CACNA1E: variants seen among roughly 807,000 people sequenced by gnomAD.
The protein encoded by CACNA1E is voltage-dependent R-type calcium channel subunit alpha-1E.
CACNA1E carries 40 observed loss-of-function variants against 259.2 expected under a neutral mutation model. That is an observed-to-expected ratio of 0.15 (90% confidence interval 0.12 to 0.20). CACNA1E has a LOEUF of 0.20. Ranked by LOEUF, CACNA1E falls within the 10% of genes least tolerant of loss-of-function variation. CACNA1E has a pLI of 1.00. For missense variants in CACNA1E, 1,874 were observed against 3,040.1 expected (o/e 0.62, Z 9.02); for synonymous variants, 1,104 against 1,138.5 (o/e 0.97, Z 0.61).
At chr1:181,387,878 C>T (rs1041908894) in intron 1 of CACNA1E, among the ~76,000 whole-genome samples, 1 of 152,198 alleles carries the variant, frequency 6.6e-6, no homozygotes, top group Admixed American at 6.5e-5. Context: ...ACCTCAGGAC[C>T]TCTAACTATT....
At chr1:181,646,832 G>T (rs1162097058) in intron 6 of CACNA1E, among the ~76,000 whole-genome samples, 1 of 152,222 alleles carries the variant, frequency 6.6e-6, no homozygotes, top group Admixed American at 6.5e-5. Flanking sequence ...TGTTTACGCA[G>T]GGAGTGGGTG....
At chr1:181,745,803 A>G (rs1055399989) in intron 25 of CACNA1E, among the ~76,000 whole-genome samples, 15 of 152,226 alleles carry the variant, frequency 9.9e-5, no homozygotes, top group African/African-American at 3.6e-4. Context: ...AGAATAAGAC[A>G]AAAGAGACAA....
chr1:181,746,202 T>C (rs749953206), intron 25 of CACNA1E, among the ~76,000 whole-genome samples: 8 of 152,114 alleles, frequency 5.3e-5, no homozygotes, highest in Non-Finnish European at 7.3e-5. Context: ...AATTTAAAAT[T>C]TTCACAGAAG....
rs376719226 is a variant in CACNA1E at position 181,377,219 on chromosome 1, T to C, written c.-14-35914T>C. The stretch of plus-strand genomic sequence containing the variant: ...TTTTTTGAGTAATCAGAATAGACTT[T>C]ATAAGAGAGGTGGAGTTTTAGTTGG... On this transcript the variant is annotated intron_variant, in intron 1 of 11. Transcript: ENST00000524607. Among the ~76,000 whole-genome samples, 7 of 152,132 alleles carry C rather than the reference T, an allele frequency of 4.6e-5. No individual in the cohort carries two copies. The East Asian group carries it at 1.2e-3, about 25-fold the overall frequency.
At chr1:181,406,058 A>G (rs1657442179) in intron 1 of CACNA1E, among the ~76,000 whole-genome samples, 1 of 152,168 alleles carries the variant, frequency 6.6e-6, no homozygotes, top group Non-Finnish European at 1.5e-5. Flanking sequence ...TGGCTAAAAT[A>G]TTTACTATCT....
chr1:181,580,859 C>T (rs903008397), intron 6 of CACNA1E, 83 bp downstream of exon 6: 105 of 1,264,016 alleles, frequency 8.3e-5, no homozygotes, highest in Non-Finnish European at 1.0e-4. Flanking sequence ...CTGGCTAGTC[C>T]GGGGACAGGG....
chr1:181,775,225 CT>C (rs1311666497), intron 37 of CACNA1E, among the ~76,000 whole-genome samples: 1 of 152,146 alleles, frequency 6.6e-6, no homozygotes, highest in Non-Finnish European at 1.5e-5. Context: ...TAGTTGAGGC[CT>C]GGGTCACAGG....
At chr1:181,797,091 G>A (rs1006238561) in intron 47 of CACNA1E, among the ~76,000 whole-genome samples, 10 of 152,202 alleles carry the variant, frequency 6.6e-5, no homozygotes, top group African/African-American at 2.4e-4. Flanking sequence ...GTGTCTAGAG[G>A]TCATTCCATT....
At chr1:181,513,577 G>A (rs986443735) in intron 3 of CACNA1E, among the ~76,000 whole-genome samples, 3 of 152,164 alleles carry the variant, frequency 2.0e-5, no homozygotes, top group Non-Finnish European at 2.9e-5. Flanking sequence ...AGGAGTATAC[G>A]GCTGTTCTGG....
chr1:181,594,331 A>G (rs1652948730), intron 6 of CACNA1E, among the ~76,000 whole-genome samples: 1 of 152,204 alleles, frequency 6.6e-6, no homozygotes. Context: ...AAGAATGAGT[A>G]TTTTAGAAAA....
chr1:181,613,740 C>T (rs535978978), intron 6 of CACNA1E, among the ~76,000 whole-genome samples: 4 of 152,302 alleles, frequency 2.6e-5, no homozygotes, highest in African/African-American at 9.6e-5. Context: ...AATCCTGGTG[C>T]TCACTTCTCT....
intron 10 of CACNA1E, among the ~76,000 whole-genome samples, chr1:181,716,447 C>T (rs967108759): frequency 1.5e-4 from 23 of 152,168 alleles, no homozygotes; most frequent in Non-Finnish European, 2.9e-5. Context: ...GATGAGAACC[C>T]ACTATGGGAC....
intron 6 of CACNA1E, among the ~76,000 whole-genome samples, chr1:181,613,090 A>G (rs766048525): frequency 5.9e-5 from 9 of 152,070 alleles, no homozygotes; most frequent in Non-Finnish European, 1.2e-4. Flanking sequence ...GTTCTATTCC[A>G]TTGTATCTCT....
At chr1:181,320,911 A>G (rs1190816533) in intron 1 of CACNA1E, among the ~76,000 whole-genome samples, 4 of 152,208 alleles carry the variant, frequency 2.6e-5, no homozygotes. Context: ...TTTTAAAAAA[A>G]GAGGTTTATT....
upstream of CACNA1E, among the ~76,000 whole-genome samples, chr1:181,481,430 G>A (rs1456727725): frequency 6.6e-6 from 1 of 151,060 alleles, no homozygotes; most frequent in Non-Finnish European, 1.5e-5. Flanking sequence ...CTTGCCCACA[G>A]ACAGACACAT....
At chr1:181,498,014 A>G (rs770528171) in intron 1 of CACNA1E, among the ~76,000 whole-genome samples, 1 of 152,182 alleles carries the variant, frequency 6.6e-6, no homozygotes, top group Non-Finnish European at 1.5e-5. Context: ...ATCTGTCTGC[A>G]GAGCGCGTTT....
intron 25 of CACNA1E, 70 bp downstream of exon 25, chr1:181,739,323 C>T (rs1021582510): frequency 2.6e-5 from 28 of 1,064,278 alleles, no homozygotes; most frequent in Non-Finnish European, 4.1e-5. Flanking sequence ...GATTTGAAGC[C>T]CTTTCCAGAA....
At chr1:181,391,134 C>A (rs1055453573) in intron 1 of CACNA1E, among the ~76,000 whole-genome samples, 1 of 152,210 alleles carries the variant, frequency 6.6e-6, no homozygotes, top group African/African-American at 2.4e-5. Flanking sequence ...TTCATTGCCA[C>A]CACTGGAGCC....
intron 7 of CACNA1E, among the ~76,000 whole-genome samples, chr1:181,689,045 G>A (rs187245452): frequency 2.2e-4 from 34 of 152,164 alleles, no homozygotes; most frequent in African/African-American, 7.9e-4. Flanking sequence ...TGTTACATAG[G>A]TATACACATG....
Sources: gnomAD v4.1 joint callset for allele counts (sites outside exome capture counted in the v4.1 genomes callset) on GRCh38, gnomAD v4.1.1 for gene constraint, MANE v1.5 for transcripts, NCBI Gene and HGNC (gene_info 2026-07-23, HGNC 2026-07-21) for gene names.